WDR37: variants seen among roughly 807,000 people sequenced by gnomAD.
WDR37 encodes WD repeat domain 37.
A neutral mutation model predicts 62.9 loss-of-function variants in WDR37; 19 were observed. The ratio of observed to expected loss-of-function variants is 0.30; its 90% CI spans 0.21 to 0.44. WDR37 has a LOEUF of 0.44. Ranked by LOEUF, WDR37 falls within the 20% of genes least tolerant of loss-of-function variation. WDR37 has a pLI of 1.00. For missense variants in WDR37, 474 were observed against 657.6 expected, an observed-to-expected ratio of 0.72 and a Z score of 3.05; for synonymous variants, 250 against 260.9, an observed-to-expected ratio of 0.96 and a Z score of 0.40.
rs56220560 is a variant in WDR37 at position 1,092,872 on chromosome 10, C to CAAAAAAAAAAAAAAAAA, written c.605-570_605-554dup. Among the ~76,000 whole-genome samples, 243 of 41,962 alleles carry CAAAAAAAAAAAAAAAAA rather than the reference C, an allele frequency of 5.8e-3. 13 individuals are homozygous for CAAAAAAAAAAAAAAAAA. Among genetic ancestry groups the CAAAAAAAAAAAAAAAAA allele is most frequent in the Middle Eastern group, 0.032 (2 of 62 alleles). The allele number at this position is 41,962 out of a possible 152,430, so 27.5% of individuals were successfully genotyped here. ...GCAACCAGAGCAAGACCCTATCTCA[C>CAAAAAAAAAAAAAAAAA]AAAAAAAAAAAAAAAAAAAAAAAAA... On this transcript the variant is annotated intron_variant, in intron 7 of 13. Transcript: ENST00000263150.
At chr10:1,099,888 G>A (rs1017914760) in intron 9 of WDR37, among the ~76,000 whole-genome samples, 4 of 145,288 alleles carry the variant, frequency 2.8e-5, no homozygotes, top group Admixed American at 2.1e-4. Context: ...CGCTGATGGC[G>A]GGCGTGGTGG....
intron 11 of WDR37, among the ~76,000 whole-genome samples, chr10:1,115,030 G>GTTTTTTTTTTTT (rs199799863): frequency 7.0e-6 from 1 of 142,544 alleles, no homozygotes; most frequent in Admixed American, 7.0e-5. Context: ...TCCCTTTTTT[G>GTTTTTTTTTTTT]TTTTTTTTTT....
intron 11 of WDR37, among the ~76,000 whole-genome samples, chr10:1,107,946 GCCCACTTATCCTTCACCTAGGTTCA>G (rs1835076807): frequency 1.3e-5 from 2 of 152,004 alleles, no homozygotes; most frequent in African/African-American, 4.8e-5. Context: ...TAACAGACAC[GCCCACTTATCCTTCACCTAGGTTCA>G]CCTGTTGTTG....
intron 6 of WDR37, among the ~76,000 whole-genome samples, chr10:1,085,407 C>G (rs1381347463): frequency 6.6e-6 from 1 of 152,204 alleles, no homozygotes; most frequent in Non-Finnish European, 1.5e-5. Context: ...ACGTAGCCAG[C>G]AGTGGAGGCT....
At chr10:1,111,167 T>C (rs552812323) in intron 11 of WDR37, among the ~76,000 whole-genome samples, 129 of 152,360 alleles carry the variant, frequency 8.5e-4, no homozygotes, top group Admixed American at 2.5e-3. Flanking sequence ...GGAATGTGCT[T>C]TTCAAAGTTT....
At chr10:1,094,574 A>G (rs1018864058) in intron 8 of WDR37, among the ~76,000 whole-genome samples, 1 of 152,344 alleles carries the variant, frequency 6.6e-6, no homozygotes, top group South Asian at 2.1e-4. Flanking sequence ...TAAAGCAGAC[A>G]AGGAGTTTAC....
At chr10:1,061,015 C>T (rs1287840643) in intron 1 of WDR37, among the ~76,000 whole-genome samples, 4 of 152,272 alleles carry the variant, frequency 2.6e-5, no homozygotes, top group Admixed American at 1.3e-4. Context: ...AATCACGTAA[C>T]GATGCATCTC....
chr10:1,109,760 C>G (rs1835151362), intron 11 of WDR37, among the ~76,000 whole-genome samples: 1 of 152,168 alleles, frequency 6.6e-6, no homozygotes, highest in Admixed American at 6.5e-5. Context: ...ATTTTTGCAG[C>G]TAGTGGATAC....
At position 1,121,021 on chromosome 10, in the gene WDR37, G is replaced by A. The variant is rs1052780482; in HGVS notation, c.1104-3197G>A. ...AGGAGCACGCTCGGCTGCCCCACACGACAAGATAAATGAGTTTGCCGGAGT... is the reference window on the plus strand; with the variant it reads ...AGGAGCACGCTCGGCTGCCCCACACAACAAGATAAATGAGTTTGCCGGAGT... On this transcript the variant is annotated intron_variant, in intron 11 of 13. Transcript: ENST00000263150. The surrounding 1 kb of genome is among the most constrained non-coding windows in gnomAD (Gnocchi z 4.5). Among the ~76,000 whole-genome samples the A allele has an allele frequency of 6.6e-6, 1 of 152,224 alleles. No homozygotes were observed. The highest frequency in any genetic ancestry group is 2.4e-5 in the African/African-American group (1 of 41,462).
At chr10:1,057,945 T>G (rs902009678) in intron 1 of WDR37, among the ~76,000 whole-genome samples, 2 of 152,222 alleles carry the variant, frequency 1.3e-5, no homozygotes, top group Non-Finnish European at 2.9e-5. Context: ...GATAGTTATA[T>G]CTCCAGGAAC....
intron 11 of WDR37, among the ~76,000 whole-genome samples, chr10:1,120,494 A>T (rs1835543180): frequency 6.6e-6 from 1 of 152,224 alleles, no homozygotes; most frequent in South Asian, 2.1e-4. Context: ...TCAGCGCTGT[A>T]ACAGAACAGT....
At chr10:1,074,253 G>T in intron 2 of WDR37, 1 of 1,054,988 alleles carries the variant, frequency 9.5e-7, no homozygotes, top group Non-Finnish European at 1.2e-6. Context: ...TCCCCTGCTG[G>T]CATGTTCTAG....
intron 7 of WDR37, among the ~76,000 whole-genome samples, chr10:1,089,393 G>A (rs951134784): frequency 2.0e-5 from 3 of 152,090 alleles, no homozygotes; most frequent in African/African-American, 7.2e-5. Flanking sequence ...GGGCCTGGGG[G>A]CCTCAGGGCT....
intron 11 of WDR37, among the ~76,000 whole-genome samples, chr10:1,113,676 A>G (rs1484078227): frequency 1.3e-5 from 2 of 152,208 alleles, no homozygotes; most frequent in Non-Finnish European, 2.9e-5. Context: ...GGTGTGGTGG[A>G]AACAGGAAGA....
chr10:1,113,011 C>CT (rs1160813728), intron 11 of WDR37, among the ~76,000 whole-genome samples: 1 of 152,246 alleles, frequency 6.6e-6, no homozygotes, highest in African/African-American at 2.4e-5. Flanking sequence ...AAACAGCCTT[C>CT]TGTTAAAGAA....
chr10:1,126,932 G>C (rs899562434), intron 13 of WDR37, among the ~76,000 whole-genome samples: 11 of 152,188 alleles, frequency 7.2e-5, no homozygotes, highest in African/African-American at 2.7e-4. Context: ...CATGAAATTA[G>C]AGTGACTAAA....
chr10:1,076,193 T>C (rs1408799360), intron 2 of WDR37, among the ~76,000 whole-genome samples: 2 of 152,116 alleles, frequency 1.3e-5, no homozygotes, highest in African/African-American at 4.8e-5. Flanking sequence ...TAGTACCAAT[T>C]CAGTAGATTC....
intron 1 of WDR37, among the ~76,000 whole-genome samples, chr10:1,069,389 A>ATATATATATATATATTTTTTTTTT: frequency 2.1e-5 from 2 of 95,780 alleles, no homozygotes; most frequent in African/African-American, 9.4e-5. Context: ...ATATATATAT[A>ATATATATATATATATTTTTTTTTT]TTTTTTTTTT....
At chr10:1,115,392 A>G (rs1835358770) in intron 11 of WDR37, among the ~76,000 whole-genome samples, 1 of 152,240 alleles carries the variant, frequency 6.6e-6, no homozygotes, top group Admixed American at 6.5e-5. Flanking sequence ...CTTTGAAGTG[A>G]TGACATGTTT....
Sources: allele counts gnomAD v4.1 joint callset (sites outside exome capture counted in the v4.1 genomes callset), GRCh38; gene constraint gnomAD v4.1.1; non-coding constraint Gnocchi (gnomAD v3.1); transcripts MANE v1.5; gene names NCBI Gene and HGNC (gene_info 2026-07-23, HGNC 2026-07-21).